Variants in TMC1 observed in about 807,000 individuals in gnomAD.
The protein encoded by TMC1 is transmembrane channel like 1.
In TMC1, 84 loss-of-function variants were observed where a neutral mutation model predicts 105.8. The observed-to-expected ratio is 0.79, with a 90% CI of 0.67 to 0.95. The LOEUF is 0.95. Among genes scored for constraint, TMC1 ranks in the 40% least tolerant of loss-of-function variants. The pLI is 0.00. For synonymous variants in TMC1, 315 were observed against 311.5 expected (o/e 1.01, Z -0.12); for missense variants, 817 against 914.1 (o/e 0.89, Z 1.37).
At chr9:72,684,607 A>C (rs571686646) in intron 5 of TMC1, among the ~76,000 whole-genome samples, 52 of 152,252 alleles carry the variant, frequency 3.4e-4, no homozygotes, top group South Asian at 1.0e-3. Flanking sequence ...TCCCTAATTC[A>C]TATTTCCAGT....
chr9:72,574,302 G>A lies in TMC1; in HGVS notation c.-427-3600G>A, dbSNP rs373385638. Among the ~76,000 whole-genome samples the A allele has an allele frequency of 5.9e-5, 9 of 152,328 alleles. No homozygotes were observed. In the East Asian group the frequency reaches 9.7e-4, roughly 16 times the overall value. On this transcript the variant is annotated intron_variant, in intron 1 of 23. Transcript: ENST00000297784. The stretch of plus-strand genomic sequence containing the variant: ...TACAGATGGTTAAAGAACACAAATA[G>A]GGAAGTGTGATGAGTGACCTCCATT...
chr9:72,813,205 GACAA>G (rs1352386092), intron 18 of TMC1, among the ~76,000 whole-genome samples: 1 of 151,714 alleles, frequency 6.6e-6, no homozygotes, highest in Non-Finnish European at 1.5e-5. Flanking sequence ...CTATTTTAGA[GACAA>G]ACAAAATATA....
chr9:72,530,914 G>T (rs1220698627), intron 1 of TMC1, among the ~76,000 whole-genome samples: 1 of 149,916 alleles, frequency 6.7e-6, no homozygotes, highest in African/African-American at 2.5e-5. Flanking sequence ...TCTGCATCCC[G>T]AGTTCACATC....
At chr9:72,547,120 C>G (rs1266168642) in intron 1 of TMC1, among the ~76,000 whole-genome samples, 1 of 152,092 alleles carries the variant, frequency 6.6e-6, no homozygotes, top group African/African-American at 2.4e-5. Context: ...AACCTCGTCT[C>G]TACTGAAAAT....
chr9:72,799,346 T>C (rs185582555), intron 17 of TMC1, among the ~76,000 whole-genome samples: 2 of 152,082 alleles, frequency 1.3e-5, no homozygotes, highest in East Asian at 3.8e-4. Context: ...ACATAAAAAT[T>C]GAAGGACTAG....
intron 9 of TMC1, chr9:72,741,329 C>T: frequency 2.9e-6 from 1 of 345,802 alleles, no homozygotes; most frequent in Non-Finnish European, 5.4e-6. Flanking sequence ...CCAGCTTAAC[C>T]TTCCTTTTCT....
intron 2 of TMC1, among the ~76,000 whole-genome samples, chr9:72,579,674 T>C (rs2132097721): frequency 6.6e-6 from 1 of 152,122 alleles, no homozygotes; most frequent in South Asian, 2.1e-4. Flanking sequence ...AAATATGTTA[T>C]TTTATTCAAT....
At chr9:72,782,365 C>A (rs185595479) in intron 13 of TMC1, among the ~76,000 whole-genome samples, 6 of 152,236 alleles carry the variant, frequency 3.9e-5, no homozygotes, top group Middle Eastern at 3.4e-3. Context: ...ACTGAACAGG[C>A]AAAAGCTGGA....
intron 1 of TMC1, among the ~76,000 whole-genome samples, chr9:72,566,533 T>C (rs1824157155): frequency 6.6e-6 from 1 of 151,962 alleles, no homozygotes; most frequent in Non-Finnish European, 1.5e-5. Flanking sequence ...AGATGGAAAA[T>C]GGACCACAGA....
At chr9:72,730,785 G>A (rs530966423) in intron 8 of TMC1, among the ~76,000 whole-genome samples, 135 of 152,324 alleles carry the variant, frequency 8.9e-4, no homozygotes, top group Middle Eastern at 3.4e-3. Context: ...CCATCTGGGG[G>A]TGATGGGACA....
intron 15 of TMC1, among the ~76,000 whole-genome samples, chr9:72,790,528 G>A (rs1277807340): frequency 6.6e-6 from 1 of 152,062 alleles, no homozygotes; most frequent in East Asian, 1.9e-4. Flanking sequence ...GTACATAGAG[G>A]TAACATTATC....
chr9:72,606,998 T>TAGAGAGAGAGAGAGAG (rs566531350), intron 2 of TMC1, among the ~76,000 whole-genome samples: 5 of 117,274 alleles, frequency 4.3e-5, no homozygotes, highest in Admixed American at 8.4e-5. Flanking sequence ...TATATATATA[T>TAGAGAGAGAGAGAGAG]ATATAGAGAG....
rs542500581 is a variant in TMC1 at position 72,805,773 on chromosome 9, C to T, written c.1695+263C>T. 2.4e-3 allele frequency among the ~76,000 whole-genome samples: 370 copies of T among 152,036 alleles called. 1 individual carries two copies. Among genetic ancestry groups the T allele is most frequent in the African/African-American group, 8.5e-3 (351 of 41,432 alleles). On this transcript the variant is annotated intron_variant, in intron 18 of 23. Transcript: ENST00000297784. ...TAAGGAGCATGCTGCCTTCAAGCAT[C>T]TGTTTAACAAAGCACATCTTGCACC...
At chr9:72,736,229 C>T (rs1036968933) in intron 8 of TMC1, among the ~76,000 whole-genome samples, 1 of 152,102 alleles carries the variant, frequency 6.6e-6, no homozygotes, top group African/African-American at 2.4e-5. Flanking sequence ...AAAAATAAAA[C>T]TTGTTTATAT....
At chr9:72,606,272 A>C (rs1427477860) in intron 2 of TMC1, among the ~76,000 whole-genome samples, 1 of 152,176 alleles carries the variant, frequency 6.6e-6, no homozygotes, top group Non-Finnish European at 1.5e-5. Context: ...AGATTACCTA[A>C]TGACATAGCA....
rs3223165 is a variant in TMC1 at position 72,570,230 on chromosome 9, A to AGTGTGTGTGTGTGT, written c.-427-7650_-427-7637dup. ...TGAAAGGGGGTGGGGCTCAAAGAGT[A>AGTGTGTGTGTGTGT]GTGTGTGTGTGTGTGTGTGTGTGTG... On this transcript the variant is annotated intron_variant, in intron 1 of 23. Coordinates refer to ENST00000297784, the MANE Select transcript of TMC1 (RefSeq NM_138691.3). Among the ~76,000 whole-genome samples the AGTGTGTGTGTGTGT allele has an allele frequency of 2.6e-3, 380 of 145,698 alleles. 1 individual carries two copies. Among genetic ancestry groups the AGTGTGTGTGTGTGT allele is most frequent in the African/African-American group, 6.2e-3 (248 of 39,752 alleles).
intron 9 of TMC1, among the ~76,000 whole-genome samples, chr9:72,741,890 G>A (rs992467004): frequency 2.0e-5 from 3 of 152,078 alleles, no homozygotes; most frequent in Non-Finnish European, 2.9e-5. Context: ...CAATTAAGCT[G>A]ACCAATCTGC....
chr9:72,567,752 A>C (rs1195441073), intron 1 of TMC1, among the ~76,000 whole-genome samples: 1 of 152,230 alleles, frequency 6.6e-6, no homozygotes, highest in African/African-American at 2.4e-5. Context: ...ATACAGAGCC[A>C]AACCATATTA....
In TMC1 at chr9:72,700,385, T is replaced by G. The variant is rs187815216; in HGVS notation, c.237-133T>G. On this transcript the variant is annotated intron_variant, in intron 7 of 23. Coordinates refer to ENST00000297784, the MANE Select transcript of TMC1 (RefSeq NM_138691.3). The stretch of plus-strand genomic sequence containing the variant: ...GTGTTCAGATTTGAGTTCTCATGCT[T>G]ATGGGTCCTAATGTTGACTGCATAT... 5.0e-4 allele frequency: 293 copies of G among 584,914 alleles called. 2 individuals carry two copies. In the African/African-American group the frequency reaches 5.2e-3, roughly 10 times the overall value. The allele number at this position is 584,914 out of a possible 1,614,324, so 36.2% of individuals were successfully genotyped here. A position where few individuals can be genotyped will look rare whatever the true frequency, so the allele number is the denominator to read the frequency against.
Sources: allele counts gnomAD v4.1 joint callset (sites outside exome capture counted in the v4.1 genomes callset), GRCh38; gene constraint gnomAD v4.1.1; transcripts MANE v1.5; gene names NCBI Gene and HGNC (gene_info 2026-07-23, HGNC 2026-07-21).